TSHZ2: variants seen among roughly 807,000 people sequenced by gnomAD.
TSHZ2 encodes the protein teashirt homolog 2.
A neutral mutation model predicts 74.4 loss-of-function variants in TSHZ2; 21 were observed. The observed-to-expected ratio is 0.28, with a 90% CI of 0.20 to 0.41. The LOEUF is 0.41. Ranked by LOEUF, TSHZ2 falls within the 10% of genes least tolerant of loss-of-function variation. The probability of loss-of-function intolerance (pLI) is 1.00; values close to 1 mark genes in which losing one functional copy is unlikely to be tolerated. For missense variants in TSHZ2, 1,244 were observed against 1,293.5 expected (o/e 0.96, Z 0.59); for synonymous variants, 540 against 515.3 (o/e 1.05, Z -0.65).
intron 1 of TSHZ2, among the ~76,000 whole-genome samples, chr20:53,144,544 T>C (rs936759379): frequency 1.3e-5 from 2 of 152,238 alleles, no homozygotes; most frequent in African/African-American, 4.8e-5. Flanking sequence ...CTGCCAGTTA[T>C]GGTTTAATCA....
At chr20:53,009,154 C>A (rs1982761247) in intron 1 of TSHZ2, among the ~76,000 whole-genome samples, 2 of 151,822 alleles carry the variant, frequency 1.3e-5, no homozygotes, top group South Asian at 4.2e-4. Context: ...ATAGTGAGAC[C>A]AATCGCTACA....
At chr20:53,083,481 C>CT (rs1985596985) in intron 1 of TSHZ2, among the ~76,000 whole-genome samples, 6 of 152,192 alleles carry the variant, frequency 3.9e-5, no homozygotes, top group Admixed American at 3.9e-4. Context: ...ATATCTACTT[C>CT]TTTCATATTG....
chr20:53,040,568 C>A (rs769704480), intron 1 of TSHZ2, among the ~76,000 whole-genome samples: 4 of 152,050 alleles, frequency 2.6e-5, no homozygotes, highest in Admixed American at 6.5e-5. Context: ...CCCGTCCCCC[C>A]ACCCATCATT....
chr20:53,337,137 T>C (rs1979984286), intron 2 of TSHZ2, among the ~76,000 whole-genome samples: 1 of 152,192 alleles, frequency 6.6e-6, no homozygotes, highest in Non-Finnish European at 1.5e-5. Context: ...GGAGCTGAAC[T>C]TGTCAATCCA....
At chr20:53,122,760 G>A (rs1453666987) in intron 1 of TSHZ2, among the ~76,000 whole-genome samples, 1 of 152,126 alleles carries the variant, frequency 6.6e-6, no homozygotes, top group Admixed American at 6.6e-5. Flanking sequence ...TGAATCCCTG[G>A]GATGTTGGCT....
In TSHZ2 at chr20:53,130,504, C is replaced by T. The variant is rs1004508099; in HGVS notation, c.41-122995C>T. 2.0e-5 allele frequency among the ~76,000 whole-genome samples: 3 copies of T among 152,208 alleles called. No homozygotes were observed. In the East Asian group the frequency reaches 5.8e-4, roughly 29 times the overall value. On this transcript the variant is annotated intron_variant, in intron 1 of 2. Transcript: ENST00000371497. ...CGCCAGGTGTGGTGGCGTGAGCCTG[C>T]AGTTCCAGCTACTCAGGAGGCTGAG...
chr20:53,050,423 T>A (rs944327270), intron 1 of TSHZ2, among the ~76,000 whole-genome samples: 1 of 152,086 alleles, frequency 6.6e-6, no homozygotes, highest in Non-Finnish European at 1.5e-5. Flanking sequence ...TAGATACAAA[T>A]TATGACTAAT....
At chr20:53,406,535 T>A (rs1221631448) in intron 2 of TSHZ2, among the ~76,000 whole-genome samples, 1 of 152,070 alleles carries the variant, frequency 6.6e-6, no homozygotes, top group African/African-American at 2.4e-5. Context: ...GTAGAGTCCC[T>A]GGTATGGCAG....
intron 1 of TSHZ2, among the ~76,000 whole-genome samples, chr20:52,975,079 T>G (rs1600624389): frequency 6.6e-6 from 1 of 152,242 alleles, no homozygotes; most frequent in East Asian, 1.9e-4. Context: ...TGACAGCGTG[T>G]GGATGTGTTC....
intron 2 of TSHZ2, among the ~76,000 whole-genome samples, chr20:53,264,161 A>G (rs535186249): frequency 6.6e-6 from 1 of 152,364 alleles, no homozygotes; most frequent in South Asian, 2.1e-4. Flanking sequence ...TATTTAGTCA[A>G]TGCTGTTACC....
chr20:53,161,671 A>G (rs1041751413), intron 1 of TSHZ2, among the ~76,000 whole-genome samples: 3 of 152,194 alleles, frequency 2.0e-5, no homozygotes, highest in African/African-American at 7.2e-5. Context: ...GTGAGAACTC[A>G]ACTCACTATC....
chr20:53,253,542 A>G lies in TSHZ2; in HGVS notation c.84A>G (p.Lys28=), dbSNP rs1314831457. ...AGCTGAAAGAAGAGGAGGAAATAAA[A>G]GAAGAGGAGGAGGAGGAGGACAGCG... is the stretch of plus-strand genomic sequence containing the variant. ...EEQLKEEEEI[K]EEEEEEDSGS... The change falls in exon 2 of 3, where the codon AAA becomes AAG. Residue 28 remains lysine, a synonymous_variant. Coordinates refer to ENST00000371497, the MANE Select transcript of TSHZ2 (RefSeq NM_173485.6). The G allele has an allele frequency of 6.2e-7, 1 of 1,611,812 alleles. No individual in the cohort carries two copies. The highest frequency in any genetic ancestry group is 8.5e-7 in the Non-Finnish European group (1 of 1,179,214).
At chr20:53,304,052 A>G (rs1009528785) in intron 2 of TSHZ2, among the ~76,000 whole-genome samples, 1 of 151,828 alleles carries the variant, frequency 6.6e-6, no homozygotes, top group Non-Finnish European at 1.5e-5. Context: ...TATTATTATT[A>G]TTATACTTTA....
At chr20:53,299,485 T>C (rs1225133712) in intron 2 of TSHZ2, among the ~76,000 whole-genome samples, 1 of 152,250 alleles carries the variant, frequency 6.6e-6, no homozygotes. Context: ...CTGTCCCAAG[T>C]ATAACTGCTC....
In TSHZ2 at chr20:53,043,911, C is replaced by T. The variant is rs76890507; in HGVS notation, c.40+70578C>T. Among the ~76,000 whole-genome samples the T allele has an allele frequency of 9.2e-3, 1,393 of 152,172 alleles. 24 individuals carry two copies. The highest frequency in any genetic ancestry group is 0.032 in the African/African-American group (1,318 of 41,464). Reference sequence around the variant, plus strand: ...TGCTTAATCTCAAACATCTGTACTTCGCTGGAGACTCAAAGAAAAAGCACT... The same window carrying T: ...TGCTTAATCTCAAACATCTGTACTTTGCTGGAGACTCAAAGAAAAAGCACT... On this transcript the variant is annotated intron_variant, in intron 1 of 2. Transcript: ENST00000371497.
chr20:53,413,708 G>A (rs373432797), intron 2 of TSHZ2, among the ~76,000 whole-genome samples: 1 of 152,194 alleles, frequency 6.6e-6, no homozygotes, highest in Non-Finnish European at 1.5e-5. Context: ...TCTATGCCAG[G>A]AGACCCAGTG....
At chr20:53,111,410 A>G (rs867162427) in intron 1 of TSHZ2, among the ~76,000 whole-genome samples, 1 of 152,204 alleles carries the variant, frequency 6.6e-6, no homozygotes, top group Non-Finnish European at 1.5e-5. Context: ...TTTCTTGGTC[A>G]TGAAAGGGGC....
At chr20:53,270,950 C>T (rs6123270) in intron 2 of TSHZ2, among the ~76,000 whole-genome samples, 11,792 of 152,182 alleles carry the variant, frequency 0.077, 460 homozygotes, top group East Asian at 0.1. Flanking sequence ...CTCCACTTTT[C>T]CCCCTGCTGC....
chr20:53,406,065 G>A (rs1298296992), intron 2 of TSHZ2, among the ~76,000 whole-genome samples: 1 of 152,138 alleles, frequency 6.6e-6, no homozygotes, highest in Admixed American at 6.5e-5. Flanking sequence ...TCTAGACAGG[G>A]TAGATGATGA....
Sources: allele counts gnomAD v4.1 joint callset (sites outside exome capture counted in the v4.1 genomes callset), GRCh38; gene constraint gnomAD v4.1.1; transcripts MANE v1.5; gene names NCBI Gene and HGNC (gene_info 2026-07-23, HGNC 2026-07-21).